Variants in UACA observed in about 807,000 individuals in gnomAD.
UACA encodes the protein uveal autoantigen with coiled-coil domains and ankyrin repeats.
In UACA, 112 loss-of-function variants were observed where a neutral mutation model predicts 160.5. The ratio of observed to expected loss-of-function variants is 0.70; its 90% CI spans 0.60 to 0.82. The LOEUF is 0.82. Ranked by LOEUF, UACA falls within the 40% of genes least tolerant of loss-of-function variation. UACA has a pLI of 0.00. For missense variants in UACA, 1,574 were observed against 1,614.6 expected, an observed-to-expected ratio of 0.97 and a Z score of 0.43; for synonymous variants, 557 against 568.4, an observed-to-expected ratio of 0.98 and a Z score of 0.29.
intron 1 of UACA, among the ~76,000 whole-genome samples, chr15:70,712,444 C>G (rs912658415): frequency 1.3e-5 from 2 of 152,098 alleles, no homozygotes; most frequent in Admixed American, 1.3e-4. Context: ...CTTGTGTTCT[C>G]CACACTGCGG....
chr15:70,700,427 A>G (rs1343906067), intron 1 of UACA, among the ~76,000 whole-genome samples: 3 of 151,670 alleles, frequency 2.0e-5, no homozygotes, highest in African/African-American at 4.9e-5. Context: ...GACAGACTCT[A>G]AAGTATTAAC....
At chr15:70,688,516 C>CA (rs571661165) in intron 5 of UACA, among the ~76,000 whole-genome samples, 15 of 151,490 alleles carry the variant, frequency 9.9e-5, no homozygotes, top group Non-Finnish European at 2.1e-4. Context: ...AGAATTAAAC[C>CA]AAACATAAGA....
chr15:70,692,971 C>A (rs899811855), intron 3 of UACA, among the ~76,000 whole-genome samples: 1 of 152,108 alleles, frequency 6.6e-6, no homozygotes. Flanking sequence ...AGTACAGATA[C>A]AATACATTCA....
intron 1 of UACA, among the ~76,000 whole-genome samples, chr15:70,746,299 A>T (rs1372557691): frequency 6.6e-6 from 1 of 152,202 alleles, no homozygotes; most frequent in Non-Finnish European, 1.5e-5. Flanking sequence ...AAAAAAACAA[A>T]CAACCCCATC....
intron 1 of UACA, among the ~76,000 whole-genome samples, chr15:70,707,638 T>G (rs1366578320): frequency 6.6e-6 from 1 of 151,498 alleles, no homozygotes; most frequent in South Asian, 2.1e-4. Context: ...AAAGATAATA[T>G]ACAAATAGCC....
chr15:70,712,484 T>C (rs931146149), intron 1 of UACA, among the ~76,000 whole-genome samples: 5 of 152,264 alleles, frequency 3.3e-5, no homozygotes, highest in South Asian at 4.1e-4. Flanking sequence ...GGAAACCTAA[T>C]CATACCACCA....
intron 1 of UACA, among the ~76,000 whole-genome samples, chr15:70,706,739 G>A (rs1898534446): frequency 6.6e-6 from 1 of 152,076 alleles, no homozygotes; most frequent in African/African-American, 2.4e-5. Context: ...AATAAGCCTA[G>A]TCAATTAGGT....
At chr15:70,680,779 A>G (rs1897472724) in intron 9 of UACA, among the ~76,000 whole-genome samples, 1 of 152,182 alleles carries the variant, frequency 6.6e-6, no homozygotes, top group Non-Finnish European at 1.5e-5. Context: ...TTAGCACACT[A>G]AAAGAACCTC....
At chr15:70,762,281 T>C (rs2030810700) in intron 1 of UACA, among the ~76,000 whole-genome samples, 1 of 152,200 alleles carries the variant, frequency 6.6e-6, no homozygotes, top group African/African-American at 2.4e-5. Flanking sequence ...CAGAAGCAGA[T>C]TAATTAGTAT....
Position 70,695,461 on chromosome 15 carries a change from T to G in UACA, c.213-356A>C, listed in dbSNP as rs1014886564. On this transcript the variant is annotated intron_variant, in intron 2 of 18. Transcript: ENST00000322954. ...CACTGAAAATTTTCTATCAGATTAT[T>G]TTATTTAGTTTCAAATAGTTTCATT... Among the ~76,000 whole-genome samples, 5 of 152,324 alleles carry G rather than the reference T, an allele frequency of 3.3e-5. 1 individual carries two copies. The South Asian group carries it at 8.3e-4, about 25-fold the overall frequency.
intron 9 of UACA, 83 bp downstream of exon 9, chr15:70,682,675 T>A: frequency 1.3e-6 from 1 of 797,306 alleles, no homozygotes; most frequent in Non-Finnish European, 1.8e-6. Context: ...CTCAGAATAG[T>A]TATGCTAACT....
At chr15:70,665,121 A>T (rs1482207733) in intron 16 of UACA, among the ~76,000 whole-genome samples, 1 of 152,206 alleles carries the variant, frequency 6.6e-6, no homozygotes, top group Admixed American at 6.5e-5. Context: ...AAGGCACATG[A>T]ACTATCTTCC....
rs1463864174 is a variant in UACA at position 70,687,589 on chromosome 15, G to A, written c.553C>T (p.Leu185=). Reference sequence around the variant, plus strand: ...ACATCCGCTCCTCTATCTATCAGCAGTTGACATATTGTTGGCCTACTCATC... The same window carrying A: ...ACATCCGCTCCTCTATCTATCAGCAATTGACATATTGTTGGCCTACTCATC... The part of the protein sequence containing the change: ...TQMSRPTICQ[L]LIDRGADVNS... The change falls in exon 7 of 19, where the codon CTG becomes TTG. Residue 185 remains leucine, a synonymous_variant. Coordinates refer to ENST00000322954, the MANE Select transcript of UACA (RefSeq NM_018003.4). The A allele has an allele frequency of 6.2e-7, 1 of 1,613,938 alleles. No homozygotes were observed. The highest frequency in any genetic ancestry group is 8.5e-7 in the Non-Finnish European group (1 of 1,179,856).
chr15:70,718,317 A>AATGTGT (rs1898883497), intron 1 of UACA, among the ~76,000 whole-genome samples: 4 of 110,616 alleles, frequency 3.6e-5, no homozygotes, highest in Non-Finnish European at 7.8e-5. Context: ...AGGGAGAGAG[A>AATGTGT]GAGAGAATGT....
chr15:70,687,844 T>A (rs776076522), intron 5 of UACA, 24 bp from the exon 6 acceptor site: 1 of 1,609,642 alleles, frequency 6.2e-7, no homozygotes, highest in South Asian at 1.1e-5. Flanking sequence ...AAGAAAATGA[T>A]AAATGGTGAA....
chr15:70,718,157 G>A (rs982643012), intron 1 of UACA, among the ~76,000 whole-genome samples: 4 of 146,034 alleles, frequency 2.7e-5, no homozygotes, highest in African/African-American at 1.0e-4. Flanking sequence ...TGATTTTTTG[G>A]TACATCAACA....
At chr15:70,774,297 A>G in the UACA span, among the ~76,000 whole-genome samples, 1 of 152,176 alleles carries the variant, frequency 6.6e-6, no homozygotes, top group Non-Finnish European at 1.5e-5. Flanking sequence ...CTGTAATCCC[A>G]GCACTTTGGG....
At chr15:70,763,645 G>A (rs1278755223), upstream of UACA, 9 of 640,378 alleles carry the variant, frequency 1.4e-5, no homozygotes, top group African/African-American at 1.7e-4. Context: ...CGGAATGCGG[G>A]AATGGGGCGG....
At chr15:70,707,099 G>C (rs796310165) in intron 1 of UACA, among the ~76,000 whole-genome samples, 3 of 152,288 alleles carry the variant, frequency 2.0e-5, no homozygotes, top group African/African-American at 7.2e-5. Flanking sequence ...ATATAGACCA[G>C]TGGAATAAAG....
Sources: allele counts gnomAD v4.1 joint callset (sites outside exome capture counted in the v4.1 genomes callset), GRCh38; gene constraint gnomAD v4.1.1; transcripts MANE v1.5; gene names NCBI Gene and HGNC (gene_info 2026-07-23, HGNC 2026-07-21).